The following TESPA1 variants were observed in gnomAD, a reference collection of about 807,000 sequenced individuals.
The protein encoded by TESPA1 is protein TESPA1.
Under a neutral mutation model 57.9 loss-of-function variants are expected in TESPA1, and 33 were observed. The ratio of observed to expected loss-of-function variants is 0.57; its 90% CI spans 0.43 to 0.76. The LOEUF is 0.76. TESPA1 is among the 30% of genes least tolerant of loss of function. TESPA1 has a pLI of 0.00. For missense variants in TESPA1, 618 were observed against 632.9 expected (o/e 0.98, Z 0.25); for synonymous variants, 227 against 228.9 (o/e 0.99, Z 0.07).
intron 1 of TESPA1, among the ~76,000 whole-genome samples, chr12:54,979,104 A>G (rs1952226902): frequency 6.6e-6 from 1 of 152,216 alleles, no homozygotes; most frequent in African/African-American, 2.4e-5. Context: ...AGTGAAGAGG[A>G]AAAAGGCTTG....
Position 54,963,135 on chromosome 12 carries a change from A to C in TESPA1, c.763T>G (p.Phe255Val). 3 of 1,613,882 alleles carry C rather than the reference A, an allele frequency of 1.9e-6. No individual in the cohort carries two copies. The highest frequency in any genetic ancestry group is 2.5e-6 in the Non-Finnish European group (3 of 1,179,866). The change falls in exon 9 of 11, where the codon TTC becomes GTC. Residue 255 changes from phenylalanine to valine, a missense_variant. Around this residue, in one of 3 missense-constraint regions of TESPA1, gnomAD observed 409 missense variants for 420.1 expected, o/e 0.97. Transcript: ENST00000449076. ...PVQKFTPSHMFWNCNHPTDVP... is the reference protein window; with the variant it reads ...PVQKFTPSHMVWNCNHPTDVP... ...TCAGTTGGATGGTTGCAATTCCAGAACATGTGGGATGGTGTGAACTTTTGG... is the reference window on the plus strand; with the variant it reads ...TCAGTTGGATGGTTGCAATTCCAGACCATGTGGGATGGTGTGAACTTTTGG...
intron 5 of TESPA1, 109 bp downstream of exon 5, chr12:54,967,074 C>A: frequency 8.0e-7 from 1 of 1,250,966 alleles, no homozygotes. Context: ...AGATAAGACC[C>A]CAGGGATGGG....
At chr12:54,974,078 G>T (rs1406718342) in intron 2 of TESPA1, 1 of 309,528 alleles carries the variant, frequency 3.2e-6, no homozygotes, top group Non-Finnish European at 5.2e-6. Context: ...TCCAGCTTGG[G>T]TGTGGTCTTG....
Position 54,963,734 on chromosome 12 carries a change from A to T in TESPA1, c.655+8T>A. 6.2e-7 allele frequency: 1 copy of T among 1,609,246 alleles called. No individual in the cohort carries two copies. Among genetic ancestry groups the T allele is most frequent in the Non-Finnish European group, 8.5e-7 (1 of 1,178,100 alleles). ...GAAGTAGAGCAGGTGCCTGGGAGGGACACTCACTGGCCAGCATGAGGCAGG... is the reference window on the plus strand; with the variant it reads ...GAAGTAGAGCAGGTGCCTGGGAGGGTCACTCACTGGCCAGCATGAGGCAGG... On this transcript the variant is annotated splice_region_variant and intron_variant, in intron 8 of 10. Coordinates refer to ENST00000449076, the MANE Select transcript of TESPA1 (RefSeq NM_001136030.3).
intron 4 of TESPA1, 34 bp from the exon 5 acceptor site, chr12:54,967,270 C>T (rs765407494): frequency 8.1e-6 from 13 of 1,607,686 alleles, no homozygotes; most frequent in Non-Finnish European, 1.0e-5. Context: ...CACAGAAAAC[C>T]AGGATGGAAC....
intron 10 of TESPA1, among the ~76,000 whole-genome samples, chr12:54,954,993 T>G (rs1275138723): frequency 6.6e-6 from 1 of 152,200 alleles, no homozygotes; most frequent in African/African-American, 2.4e-5. Flanking sequence ...CACTTTTTAT[T>G]TTTTGAGGAA....
At position 54,950,154 on chromosome 12, in the gene TESPA1, A is replaced by G; in HGVS notation, c.*238T>C. The G allele has an allele frequency of 4.7e-6, 2 of 421,882 alleles. No individual in the cohort carries two copies. The highest frequency in any genetic ancestry group is 9.5e-6 in the Non-Finnish European group (2 of 210,628). 26.1% of individuals were successfully genotyped at this position (421,882 alleles called of 1,614,324 possible). A position where few individuals can be genotyped will look rare whatever the true frequency, so the allele number is the denominator to read the frequency against. On this transcript the variant is annotated 3_prime_UTR_variant, in exon 11 of 11. Transcript: ENST00000449076. ...TACAGAGAAATGAAGAGATGTGCCTAAGGTCTTTGTGCATGCAGCTTGTGG... is the reference window on the plus strand; with the variant it reads ...TACAGAGAAATGAAGAGATGTGCCTGAGGTCTTTGTGCATGCAGCTTGTGG...
intron 10 of TESPA1, among the ~76,000 whole-genome samples, chr12:54,956,471 G>A (rs1950741300): frequency 6.6e-6 from 1 of 152,184 alleles, no homozygotes; most frequent in African/African-American, 2.4e-5. Flanking sequence ...TGGTTTAAAT[G>A]TCAACACAGG....
intron 1 of TESPA1, among the ~76,000 whole-genome samples, chr12:54,977,917 A>C (rs1592424599): frequency 6.6e-6 from 1 of 152,220 alleles, no homozygotes. Flanking sequence ...TGGGAATACT[A>C]TAAGTACAGC....
At chr12:54,956,480 G>A (rs1242186257) in intron 10 of TESPA1, among the ~76,000 whole-genome samples, 1 of 152,198 alleles carries the variant, frequency 6.6e-6, no homozygotes, top group Non-Finnish European at 1.5e-5. Context: ...TGTCAACACA[G>A]GAAACCAATA....
In TESPA1 at chr12:54,960,791, A is replaced by T. The variant is rs1951025724; in HGVS notation, c.*1+377T>A. On this transcript the variant is annotated intron_variant, in intron 10 of 10. Transcript: ENST00000449076. Reference sequence around the variant, plus strand: ...AGTTCTACACAATGTCTCCTGGAACAGCAGTTCTCAGACTGTGATTACCAG... The same window carrying T: ...AGTTCTACACAATGTCTCCTGGAACTGCAGTTCTCAGACTGTGATTACCAG... 2.0e-5 allele frequency among the ~76,000 whole-genome samples: 3 copies of T among 152,328 alleles called. No homozygotes were observed. In the South Asian group the frequency reaches 6.2e-4, roughly 32 times the overall value.
rs1951237689 is a variant in TESPA1, at chr12:54,963,773, A to C, written c.624T>G (p.Ile208Met). ...GCATGAGGCAGGGGTCTTCCATTTC[A>C]ATCCTCCGCACCTGGGACTTCAGGA... ...QLFLKSQVRR[I>M]EMEDPCLMLA... is the part of the protein sequence containing the mutation. Residue 208 changes from isoleucine (I) to methionine (M), a missense_variant, in exon 8 of 11, where the codon ATT (isoleucine) becomes ATG (methionine). Ile to Met is a conservative substitution (Grantham distance 10). Transcript: ENST00000449076. 6.2e-7 allele frequency: 1 copy of C among 1,613,528 alleles called. No homozygotes were observed. The highest frequency in any genetic ancestry group is 1.3e-5 in the African/African-American group (1 of 74,912).
rs751516888 is a variant in TESPA1 at position 54,967,818 on chromosome 12, A to G, written c.256+25T>C. On this transcript the variant is annotated intron_variant, in intron 4 of 10. Coordinates refer to ENST00000449076, the MANE Select transcript of TESPA1 (RefSeq NM_001136030.3). ...ATATCACTCTCCAGGTAGAAGAAAA[A>G]TAGATGGACAGAACCTATACTCACC... is the stretch of plus-strand genomic sequence containing the variant. The G allele has an allele frequency of 1.9e-6, 3 of 1,613,126 alleles. No homozygotes were observed. In the Admixed American group the frequency reaches 5.0e-5, roughly 27 times the overall value.
chr12:54,973,677 G>A (rs1951987508), intron 2 of TESPA1, 158 bp from the exon 3 acceptor site: 14 of 1,416,174 alleles, frequency 9.9e-6, no homozygotes, highest in African/African-American at 1.5e-5. Flanking sequence ...GGAATACACC[G>A]TATATAAAAA....
At chr12:54,966,786 G>A (rs932147153) in intron 5 of TESPA1, among the ~76,000 whole-genome samples, 1 of 152,226 alleles carries the variant, frequency 6.6e-6, no homozygotes, top group East Asian at 1.9e-4. Flanking sequence ...AGGTTGCTGT[G>A]CTTTCATTCT....
rs1435438612 is a variant in TESPA1, at chr12:54,949,063, G to A, written c.*1329C>T. On this transcript the variant is annotated 3_prime_UTR_variant, in exon 11 of 11. Coordinates refer to ENST00000449076, the MANE Select transcript of TESPA1 (RefSeq NM_001136030.3). ...GTTCCCCTGTCTCCTGGTTTCTGTGGGTGGGAAGGGTAGGAAACTTGGAGT... is the reference window on the plus strand; with the variant it reads ...GTTCCCCTGTCTCCTGGTTTCTGTGAGTGGGAAGGGTAGGAAACTTGGAGT... 1.4e-5 allele frequency: 2 copies of A among 144,438 alleles called. No individual in the cohort carries two copies. The highest frequency in any genetic ancestry group is 3.1e-5 in the Non-Finnish European group (2 of 65,434). 8.9% of individuals were successfully genotyped at this position (144,438 alleles called of 1,614,324 possible).
rs1453321285 is a variant in TESPA1, at chr12:54,949,108, T to C, written c.*1284A>G. The stretch of plus-strand genomic sequence containing the variant: ...TGGAGTGGGGGGGCTTTTTCCAAAT[T>C]GTGAAACTATCTTTTATCATGAAAT... On this transcript the variant is annotated 3_prime_UTR_variant, in exon 11 of 11. Coordinates refer to ENST00000449076, the MANE Select transcript of TESPA1 (RefSeq NM_001136030.3). 6.6e-6 allele frequency: 1 copy of C among 152,142 alleles called. No individual in the cohort carries two copies. Among genetic ancestry groups the C allele is most frequent in the African/African-American group, 2.4e-5 (1 of 41,426 alleles). 9.4% of individuals were successfully genotyped at this position (152,142 alleles called of 1,614,324 possible). A position where few individuals can be genotyped will look rare whatever the true frequency, so the allele number is the denominator to read the frequency against.
intron 10 of TESPA1, among the ~76,000 whole-genome samples, chr12:54,952,328 G>C (rs1050776896): frequency 6.6e-6 from 1 of 152,120 alleles, no homozygotes; most frequent in African/African-American, 2.4e-5. Context: ...TTCTATTATA[G>C]CAACAGAAAC....
At chr12:54,977,895 T>C (rs1034049436) in intron 1 of TESPA1, among the ~76,000 whole-genome samples, 8 of 152,160 alleles carry the variant, frequency 5.3e-5, no homozygotes, top group African/African-American at 1.2e-4. Context: ...GCCCTGTCCA[T>C]GGAGTGTTAT....
Sources: allele counts gnomAD v4.1 joint callset (sites outside exome capture counted in the v4.1 genomes callset), GRCh38; gene constraint gnomAD v4.1.1; regional missense constraint gnomAD v4.1.1; transcripts MANE v1.5; gene names NCBI Gene and HGNC (gene_info 2026-07-23, HGNC 2026-07-21).